The following TRDN variants were observed in gnomAD, a reference collection of about 807,000 sequenced individuals.
The protein encoded by TRDN is triadin in skeletal muscle.
In TRDN, 161 loss-of-function variants were observed where a neutral mutation model predicts 149.7. That is an observed-to-expected ratio of 1.08 (90% CI 0.95 to 1.23). The LOEUF (loss-of-function observed/expected upper bound fraction) is 1.23, where lower values mean the gene tolerates loss of function less well. TRDN is among the 50% of genes most tolerant of loss of function. TRDN has a pLI of 0.00. For missense variants in TRDN, 896 were observed against 823.5 expected (o/e 1.09, Z -1.08); for synonymous variants, 294 against 250.5 (o/e 1.17, Z -1.64).
intron 9 of TRDN, among the ~76,000 whole-genome samples, chr6:123,475,769 A>C (rs1254532675): frequency 2.7e-5 from 4 of 148,048 alleles, no homozygotes; most frequent in Non-Finnish European, 4.5e-5. Context: ...CAAATCAATA[A>C]ATGTAATCCA....
intron 6 of TRDN, among the ~76,000 whole-genome samples, chr6:123,515,498 T>C (rs1779371991): frequency 6.6e-6 from 1 of 151,686 alleles, no homozygotes; most frequent in Non-Finnish European, 1.5e-5. Flanking sequence ...TTTCAGGATA[T>C]ATTGTTAAAT....
intron 1 of TRDN, among the ~76,000 whole-genome samples, chr6:123,580,522 A>G (rs1384021324): frequency 6.6e-6 from 1 of 152,230 alleles, no homozygotes; most frequent in East Asian, 1.9e-4. Context: ...GCTAGACAGA[A>G]TTAAATGACA....
chr6:123,578,645 T>G (rs932458180), intron 1 of TRDN, among the ~76,000 whole-genome samples: 1 of 152,200 alleles, frequency 6.6e-6, no homozygotes, highest in Admixed American at 6.5e-5. Flanking sequence ...TGGGCCCTTA[T>G]TTTGGTTTTA....
chr6:123,304,200 A>G (rs1778523212), intron 24 of TRDN, among the ~76,000 whole-genome samples: 1 of 152,020 alleles, frequency 6.6e-6, no homozygotes, highest in South Asian at 2.1e-4. Flanking sequence ...TTAGAAATGC[A>G]GTTACAGAAC....
At position 123,600,874 on chromosome 6, in the gene TRDN, CT is replaced by C. The variant is rs1240142500; in HGVS notation, c.23-29743del. Among the ~76,000 whole-genome samples, 9 of 152,138 alleles carry C rather than the reference CT, an allele frequency of 5.9e-5. No individual in the cohort carries two copies. The East Asian group carries it at 1.7e-3, about 29-fold the overall frequency. ...CTGCCTTTGTTTAGCACAATTACATCTATTGAATAGTATTATATGCACTTTT... is the reference window on the plus strand; with the variant it reads ...CTGCCTTTGTTTAGCACAATTACATCATTGAATAGTATTATATGCACTTTT... On this transcript the variant is annotated intron_variant, in intron 1 of 40. Coordinates refer to ENST00000334268, the MANE Select transcript of TRDN (RefSeq NM_006073.4).
intron 19 of TRDN, among the ~76,000 whole-genome samples, chr6:123,367,572 C>T (rs1781156420): frequency 6.6e-6 from 1 of 152,208 alleles, no homozygotes; most frequent in South Asian, 2.1e-4. Context: ...ACCTCTTCTT[C>T]GAGCTATCTC....
chr6:123,353,375 T>G (rs1422979226), intron 20 of TRDN, among the ~76,000 whole-genome samples: 2 of 151,874 alleles, frequency 1.3e-5, no homozygotes, highest in Non-Finnish European at 2.9e-5. Context: ...AACCCACTGA[T>G]GAAACTTAGA....
At chr6:123,442,465 G>A (rs1351477685) in intron 10 of TRDN, 2 of 121,246 alleles carry the variant, frequency 1.6e-5, no homozygotes, top group African/African-American at 3.9e-5. Flanking sequence ...AGAATGGCGT[G>A]AACCCTGGAG....
chr6:123,297,081 G>A (rs1778230967), intron 24 of TRDN, among the ~76,000 whole-genome samples: 1 of 152,036 alleles, frequency 6.6e-6, no homozygotes, highest in Admixed American at 6.6e-5. Context: ...CAGGGTCTGT[G>A]GTTGATATGC....
chr6:123,632,287 C>T (rs550268429), intron 1 of TRDN, among the ~76,000 whole-genome samples: 1 of 152,028 alleles, frequency 6.6e-6, no homozygotes, highest in Non-Finnish European at 1.5e-5. Flanking sequence ...TGTGTATTTC[C>T]TTTTCCTTCC....
chr6:123,629,545 G>C, intron 1 of TRDN, among the ~76,000 whole-genome samples: 1 of 152,062 alleles, frequency 6.6e-6, no homozygotes, highest in Non-Finnish European at 1.5e-5. Context: ...TGTTCTTATA[G>C]GTCAAAATAT....
chr6:123,322,137 T>C (rs577573913), intron 23 of TRDN, among the ~76,000 whole-genome samples: 1 of 152,314 alleles, frequency 6.6e-6, no homozygotes, highest in South Asian at 2.1e-4. Context: ...TTTCCCTGAT[T>C]ATCTTTCTGA....
intron 4 of TRDN, among the ~76,000 whole-genome samples, chr6:123,544,595 C>T (rs554542197): frequency 6.6e-6 from 1 of 151,894 alleles, no homozygotes; most frequent in Non-Finnish European, 1.5e-5. Context: ...CCACTATACA[C>T]AACAAATAAT....
intron 16 of TRDN, among the ~76,000 whole-genome samples, chr6:123,378,453 AGTGTGTGTGTGTGTGTGTGTGTGTGT>A (rs59816098): frequency 2.9e-5 from 4 of 136,380 alleles, no homozygotes; most frequent in Admixed American, 2.3e-4. Flanking sequence ...CCAGATTTGT[AGTGTGTGTGTGTGTGTGTGTGTGTGT>A]GTGTGTGTGT....
chr6:123,557,317 T>C (rs1781725976), intron 2 of TRDN, among the ~76,000 whole-genome samples: 1 of 151,968 alleles, frequency 6.6e-6, no homozygotes, highest in African/African-American at 2.4e-5. Flanking sequence ...CAATCTTCTG[T>C]CCTCCTACTC....
chr6:123,411,239 C>T (rs1582985709), intron 12 of TRDN, among the ~76,000 whole-genome samples: 1 of 151,576 alleles, frequency 6.6e-6, no homozygotes, highest in East Asian at 2.0e-4. Flanking sequence ...TAGAGACGAG[C>T]TTTCTCCGTG....
intron 7 of TRDN, among the ~76,000 whole-genome samples, chr6:123,511,989 A>ATTTTTT (rs58869649): frequency 5.2e-4 from 74 of 141,302 alleles, no homozygotes; most frequent in African/African-American, 1.7e-3. Context: ...TGCCTCTGCA[A>ATTTTTT]TTTTTTTTTT....
At chr6:123,584,450 G>C (rs1467124952) in intron 1 of TRDN, among the ~76,000 whole-genome samples, 1 of 152,066 alleles carries the variant, frequency 6.6e-6, no homozygotes, top group African/African-American at 2.4e-5. Flanking sequence ...ACAGGGTGCG[G>C]TCCTGGCTCT....
chr6:123,379,372 AAAG>A (rs1274653076), intron 16 of TRDN, among the ~76,000 whole-genome samples: 1 of 152,204 alleles, frequency 6.6e-6, no homozygotes, highest in Admixed American at 6.5e-5. Flanking sequence ...TGCAGGTCAA[AAAG>A]AAGAAGCTAT....
Sources: gnomAD v4.1 joint callset for allele counts (sites outside exome capture counted in the v4.1 genomes callset) on GRCh38, gnomAD v4.1.1 for gene constraint, MANE v1.5 for transcripts, NCBI Gene and HGNC (gene_info 2026-07-23, HGNC 2026-07-21) for gene names.